The following PPARG variants were observed in gnomAD, a reference collection of about 807,000 sequenced individuals.
The protein encoded by PPARG is peroxisome proliferator-activated receptor gamma.
Under a neutral mutation model 39.2 loss-of-function variants are expected in PPARG, and 17 were observed. That is an observed-to-expected ratio of 0.43 (90% CI 0.30 to 0.65). The LOEUF (loss-of-function observed/expected upper bound fraction) is 0.65, where lower values mean the gene tolerates loss of function less well. Ranked by LOEUF, PPARG falls within the 30% of genes least tolerant of loss-of-function variation. The pLI is 0.13. For missense variants in PPARG, 406 were observed against 585.9 expected (o/e 0.69, Z 3.17); for synonymous variants, 223 against 215.7 (o/e 1.03, Z -0.30).
intron 7 of PPARG, among the ~76,000 whole-genome samples, chr3:12,428,226 A>T (rs145134831): frequency 2.8e-4 from 43 of 152,342 alleles, no homozygotes; most frequent in African/African-American, 1.0e-3. Flanking sequence ...GACGAGATGG[A>T]AGCTTTGTAG....
At chr3:12,318,671 CAAAT>C (rs1401812804) in intron 2 of PPARG, among the ~76,000 whole-genome samples, 1 of 152,082 alleles carries the variant, frequency 6.6e-6, no homozygotes, top group Non-Finnish European at 1.5e-5. Flanking sequence ...TTCTTTGCCT[CAAAT>C]AAATAAAGCC....
intron 2 of PPARG, among the ~76,000 whole-genome samples, chr3:12,366,931 C>T (rs920044070): frequency 8.5e-5 from 13 of 152,108 alleles, no homozygotes; most frequent in Middle Eastern, 3.2e-3. Context: ...GAAGTATTCC[C>T]TCTGCTTTTA....
chr3:12,385,505 C>T (rs2049838903), intron 4 of PPARG, among the ~76,000 whole-genome samples: 1 of 152,020 alleles, frequency 6.6e-6, no homozygotes, highest in East Asian at 1.9e-4. Context: ...TAATTTAGAG[C>T]TTGGAAAGCT....
At position 12,400,545 on chromosome 3, in the gene PPARG, C is replaced by T. The variant is rs2050434887; in HGVS notation, c.530-5337C>T. ...TCTTCCTGAAGGGAGCCTACCAGCT[C>T]TGATATGGATAATTTTTTTTACCAA... On this transcript the variant is annotated intron_variant, in intron 5 of 7. Coordinates refer to ENST00000651735, the MANE Select transcript of PPARG (RefSeq NM_138711.6). Among the ~76,000 whole-genome samples the T allele has an allele frequency of 3.3e-5, 5 of 152,228 alleles. No individual in the cohort carries two copies. In the South Asian group the frequency reaches 1.0e-3, roughly 32 times the overall value.
chr3:12,292,650 G>A (rs1476940286), intron 1 of PPARG, among the ~76,000 whole-genome samples: 1 of 152,152 alleles, frequency 6.6e-6, no homozygotes, highest in Middle Eastern at 3.2e-3. Flanking sequence ...TTCTTCGCGT[G>A]AATTGTTGAT....
chr3:12,334,446 G>T (rs551119173), intron 2 of PPARG, among the ~76,000 whole-genome samples: 50 of 152,068 alleles, frequency 3.3e-4, no homozygotes, highest in Non-Finnish European at 4.7e-4. Flanking sequence ...GTCCAGGCTG[G>T]TCTCGAACTC....
intron 2 of PPARG, among the ~76,000 whole-genome samples, chr3:12,317,662 C>T (rs370709587): frequency 1.3e-5 from 2 of 152,012 alleles, no homozygotes; most frequent in East Asian, 3.9e-4. Flanking sequence ...ATATTTCACT[C>T]AATTAAAAAA....
At chr3:12,364,272 C>T (rs537772085) in intron 2 of PPARG, among the ~76,000 whole-genome samples, 51 of 152,282 alleles carry the variant, frequency 3.3e-4, no homozygotes, top group Admixed American at 4.6e-4. Flanking sequence ...GATAGTTTTG[C>T]GCTTCCCAGA....
At chr3:12,300,332 G>A (rs1378880138) in intron 1 of PPARG, among the ~76,000 whole-genome samples, 1 of 152,168 alleles carries the variant, frequency 6.6e-6, no homozygotes, top group Non-Finnish European at 1.5e-5. Flanking sequence ...GATTACCACA[G>A]CTCAATAAAA....
intron 1 of PPARG, among the ~76,000 whole-genome samples, chr3:12,299,677 G>GTT (rs2046879312): frequency 3.3e-5 from 5 of 152,120 alleles, no homozygotes; most frequent in Middle Eastern, 3.4e-3. Flanking sequence ...GATTTAAGTG[G>GTT]TTAACTATTC....
At chr3:12,331,590 G>A (rs1203181240) in intron 2 of PPARG, among the ~76,000 whole-genome samples, 1 of 152,172 alleles carries the variant, frequency 6.6e-6, no homozygotes, top group Non-Finnish European at 1.5e-5. Flanking sequence ...GATTGGAGAG[G>A]CAAGGATGGC....
chr3:12,409,787 T>TAA (rs1461442759), intron 6 of PPARG, among the ~76,000 whole-genome samples: 1 of 152,218 alleles, frequency 6.6e-6, no homozygotes, highest in Admixed American at 6.5e-5. Flanking sequence ...GAGGCCATTC[T>TAA]TTAAATGTAT....
rs11337165 is a variant in PPARG at position 12,401,616 on chromosome 3, GAA to G, written c.530-4252_530-4251del. Among the ~76,000 whole-genome samples the G allele has an allele frequency of 1.4e-3, 197 of 140,762 alleles. 1 individual carries two copies. The highest frequency in any genetic ancestry group is 2.9e-3 in the Admixed American group (42 of 14,256). 92.3% of individuals were successfully genotyped at this position (140,762 alleles called of 152,430 possible). On this transcript the variant is annotated intron_variant, in intron 5 of 7. Transcript: ENST00000651735. ...GTATGCGTGCCTCAGCTGAAAGACA[GAA>G]AAAAAAAAAAAAAGTAGGCAAATAA...
intron 2 of PPARG, among the ~76,000 whole-genome samples, chr3:12,337,823 AAAC>A: frequency 6.6e-6 from 1 of 152,364 alleles, no homozygotes; most frequent in African/African-American, 2.4e-5. Flanking sequence ...AATACGGTAT[AAAC>A]AACTATTTAC....
At chr3:12,318,185 A>T (rs2047441776) in intron 2 of PPARG, among the ~76,000 whole-genome samples, 1 of 152,136 alleles carries the variant, frequency 6.6e-6, no homozygotes, top group Non-Finnish European at 1.5e-5. Flanking sequence ...TGTTGCTCAG[A>T]CTGGTCTCAA....
chr3:12,306,619 A>G lies in PPARG; in HGVS notation c.-82-5761A>G, dbSNP rs146158838. 3.3e-5 allele frequency among the ~76,000 whole-genome samples: 5 copies of G among 152,316 alleles called. No individual in the cohort carries two copies. The East Asian group carries it at 7.7e-4, about 23-fold the overall frequency. ...TTCCACATTTAACAATTAGACCTAT[A>G]CAGGTGTAACCATATTCACATGTAA... On this transcript the variant is annotated intron_variant, in intron 1 of 7. Transcript: ENST00000651735.
At chr3:12,379,961 A>G (rs186356285) in intron 3 of PPARG, 30 bp downstream of exon 3, 5 of 1,533,190 alleles carry the variant, frequency 3.3e-6, no homozygotes, top group Non-Finnish European at 4.5e-6. Flanking sequence ...TTTTCAGACT[A>G]CTAGGACTAG....
intron 6 of PPARG, among the ~76,000 whole-genome samples, chr3:12,409,418 GA>G (rs200850610): frequency 8.9e-5 from 13 of 145,938 alleles, no homozygotes; most frequent in South Asian, 2.2e-4. Context: ...TATGGGAAAG[GA>G]AAAAAAAAAA....
intron 2 of PPARG, among the ~76,000 whole-genome samples, chr3:12,362,532 TAA>T (rs2125121490): frequency 3.1e-5 from 1 of 32,538 alleles, no homozygotes; most frequent in East Asian, 1.1e-3. Context: ...AATAAATAAA[TAA>T]ATAAATAAAT....
Sources: gnomAD v4.1 joint callset for allele counts (sites outside exome capture counted in the v4.1 genomes callset) on GRCh38, gnomAD v4.1.1 for gene constraint, MANE v1.5 for transcripts, NCBI Gene and HGNC (gene_info 2026-07-23, HGNC 2026-07-21) for gene names.